Variants in CNOT6 observed in about 807,000 individuals in gnomAD.
The protein encoded by CNOT6 is CCR4-NOT transcription complex subunit 6.
A neutral mutation model predicts 61.2 loss-of-function variants in CNOT6; 12 were observed. The ratio of observed to expected loss-of-function variants is 0.20; its 90% CI spans 0.13 to 0.32. CNOT6 has a LOEUF of 0.32. Among genes scored for constraint, CNOT6 ranks in the 10% least tolerant of loss-of-function variants. The probability of loss-of-function intolerance (pLI) is 1.00; values close to 1 mark genes in which losing one functional copy is unlikely to be tolerated. For synonymous variants in CNOT6, 225 were observed against 240.6 expected (o/e 0.94, Z 0.60); for missense variants, 405 against 663.9 (o/e 0.61, Z 4.28).
chr5:180,519,163 T>C (rs749064183), intron 1 of CNOT6, among the ~76,000 whole-genome samples: 3 of 152,294 alleles, frequency 2.0e-5, no homozygotes, highest in Non-Finnish European at 4.4e-5. Context: ...GAGGAAACTT[T>C]TAAAGACAAA....
chr5:180,506,661 GCTATCCCAGAA>G (rs1253146234), intron 1 of CNOT6, among the ~76,000 whole-genome samples: 3 of 152,094 alleles, frequency 2.0e-5, no homozygotes, highest in Non-Finnish European at 4.4e-5. Flanking sequence ...CTTACCTCAG[GCTATCCCAGAA>G]CCAGTATTTT....
At chr5:180,516,065 C>T (rs1364247428) in intron 1 of CNOT6, among the ~76,000 whole-genome samples, 2 of 152,084 alleles carry the variant, frequency 1.3e-5, no homozygotes, top group African/African-American at 4.8e-5. Flanking sequence ...CACACACCAC[C>T]ACGCCTGGCT....
At chr5:180,549,429 C>G (rs574532945) in intron 2 of CNOT6, among the ~76,000 whole-genome samples, 1 of 152,034 alleles carries the variant, frequency 6.6e-6, no homozygotes. Flanking sequence ...GCGGGCAGAT[C>G]ACAAGGTCAG....
chr5:180,517,188 AGCGCAATG>A (rs1410478148), intron 1 of CNOT6, among the ~76,000 whole-genome samples: 1 of 152,188 alleles, frequency 6.6e-6, no homozygotes, highest in Non-Finnish European at 1.5e-5. Context: ...CTCAGGCTGG[AGCGCAATG>A]GCGTGATCAC....
intron 2 of CNOT6, among the ~76,000 whole-genome samples, chr5:180,541,474 C>T (rs1334703172): frequency 2.1e-4 from 7 of 33,120 alleles, no homozygotes; most frequent in African/African-American, 5.4e-4. Context: ...TTTTTTGAGA[C>T]AGAGTTTCGC....
chr5:180,509,828 GTT>G (rs10707986), intron 1 of CNOT6, among the ~76,000 whole-genome samples: 129 of 120,846 alleles, frequency 1.1e-3, no homozygotes, highest in Non-Finnish European at 1.7e-3. Flanking sequence ...ATACCTTGGT[GTT>G]TTTTTTTTTT....
chr5:180,522,691 C>T (rs1035676999), intron 1 of CNOT6, among the ~76,000 whole-genome samples: 1 of 151,582 alleles, frequency 6.6e-6, no homozygotes, highest in African/African-American at 2.4e-5. Flanking sequence ...CACTCTTGCC[C>T]ACGCTGGAGT....
Position 180,501,746 on chromosome 5 carries a change from TG to T in CNOT6, c.-3+6985del, listed in dbSNP as rs1296215628. On this transcript the variant is annotated intron_variant, in intron 1 of 11. Coordinates refer to ENST00000261951, the MANE Select transcript of CNOT6 (RefSeq NM_001370472.1). Reference sequence around the variant, plus strand: ...CTAAGGAACAGCTAATATTTTGTTTTGGACAGCATTGAAATGGTTGAAGAGA... The same window carrying T: ...CTAAGGAACAGCTAATATTTTGTTTTGACAGCATTGAAATGGTTGAAGAGA... Among the ~76,000 whole-genome samples, 10 of 152,320 alleles carry T rather than the reference TG, an allele frequency of 6.6e-5. No homozygotes were observed. In the East Asian group the frequency reaches 1.9e-3, roughly 29 times the overall value.
Position 180,529,320 on chromosome 5 carries a change from A to C in CNOT6, c.44A>C (p.Tyr15Ser). Residue 15 changes from tyrosine to serine, a missense_variant, in exon 2 of 12, where the codon TAT becomes TCT. By Grantham distance (144) the Tyr-to-Ser change is moderately radical. Around this residue, in one of 5 missense-constraint regions of CNOT6, gnomAD observed 212 missense variants for 307.1 expected, o/e 0.69. Transcript: ENST00000261951. Reference protein sequence around the residue: ...KYEPPDPRRMYTIMSSEEAAN... With the variant: ...KYEPPDPRRMSTIMSSEEAAN... The stretch of plus-strand genomic sequence containing the variant: ...GAGCCCCCTGACCCTCGGAGGATGT[A>C]TACAATTATGTCTTCTGAGGAAGCA... 6.2e-7 allele frequency: 1 copy of C among 1,613,768 alleles called. No individual in the cohort carries two copies. The highest frequency in any genetic ancestry group is 1.1e-5 in the South Asian group (1 of 90,994).
intron 3 of CNOT6, 41 bp from the exon 4 acceptor site, chr5:180,553,345 T>C: frequency 7.2e-7 from 1 of 1,385,018 alleles, no homozygotes; most frequent in Non-Finnish European, 1.0e-6. Context: ...TGTTAAAGGC[T>C]AACATATTTT....
chr5:180,535,583 C>T (rs1339240977), intron 2 of CNOT6, among the ~76,000 whole-genome samples: 3 of 152,098 alleles, frequency 2.0e-5, no homozygotes, highest in Non-Finnish European at 2.9e-5. Flanking sequence ...AGGTTGAGGC[C>T]GTATCTTTGC....
intron 6 of CNOT6, among the ~76,000 whole-genome samples, chr5:180,564,970 T>A (rs1454559518): frequency 1.3e-5 from 2 of 152,362 alleles, no homozygotes; most frequent in East Asian, 3.9e-4. Flanking sequence ...GGGCAGTTTA[T>A]CCCCCAGAGG....
In CNOT6 at chr5:180,538,680, A is replaced by T. The variant is rs1037228113; in HGVS notation, c.112+9292A>T. Among the ~76,000 whole-genome samples the T allele has an allele frequency of 6.8e-4, 64 of 94,710 alleles. 1 individual carries two copies. Among genetic ancestry groups the T allele is most frequent in the African/African-American group, 2.3e-3 (59 of 26,120 alleles). 62.1% of individuals were successfully genotyped at this position (94,710 alleles called of 152,430 possible). On this transcript the variant is annotated intron_variant, in intron 2 of 11. Transcript: ENST00000261951. ...GCGACAGAGCGAGACTCTGTCTGAGAAAAAGGTATATATATATATATATAT... is the reference window on the plus strand; with the variant it reads ...GCGACAGAGCGAGACTCTGTCTGAGTAAAAGGTATATATATATATATATAT...
intron 1 of CNOT6, among the ~76,000 whole-genome samples, chr5:180,510,897 C>T (rs368430393): frequency 3.9e-5 from 6 of 152,026 alleles, no homozygotes; most frequent in African/African-American, 9.7e-5. Flanking sequence ...CTCCATCTCC[C>T]GGGTTCAAGC....
chr5:180,522,701 T>G (rs1023299857), intron 1 of CNOT6, among the ~76,000 whole-genome samples: 8 of 152,096 alleles, frequency 5.3e-5, no homozygotes, highest in Non-Finnish European at 1.0e-4. Context: ...CACGCTGGAG[T>G]GCAGTGGTGT....
In CNOT6 at chr5:180,571,384, C is replaced by T. The variant is rs780028273; in HGVS notation, c.1413C>T (p.Ala471=). 5.6e-6 allele frequency: 9 copies of T among 1,614,108 alleles called. No homozygotes were observed. ...CTCATGGTTTCAAGTTACAGAGTGC[C>T]TATGAGAGTGGCCTGATGCCTTACA... ...RITHGFKLQS[A]YESGLMPYTN... Residue 471 remains alanine (A), a synonymous_variant, in exon 11 of 12, where the codon GCC becomes GCT. Coordinates refer to ENST00000261951, the MANE Select transcript of CNOT6 (RefSeq NM_001370472.1).
intron 1 of CNOT6, among the ~76,000 whole-genome samples, chr5:180,503,264 T>G (rs1756963170): frequency 6.8e-6 from 1 of 146,432 alleles, no homozygotes; most frequent in Non-Finnish European, 1.5e-5. Context: ...GTATTTTTCT[T>G]TTTTTTTTTT....
chr5:180,554,790 T>A (rs562870303), intron 4 of CNOT6, among the ~76,000 whole-genome samples: 1 of 152,300 alleles, frequency 6.6e-6, no homozygotes, highest in East Asian at 1.9e-4. Flanking sequence ...TACTTTATCA[T>A]TTTTGTGTAT....
In CNOT6 at chr5:180,532,482, C is replaced by G. The variant is rs570126818; in HGVS notation, c.112+3094C>G. On this transcript the variant is annotated intron_variant, in intron 2 of 11. Transcript: ENST00000261951. ...ACTTTGGGAAGAAGTTCTGTATACA[C>G]ATATAGGGAAAAACCCTCAACCCAT... Among the ~76,000 whole-genome samples the G allele has an allele frequency of 3.7e-4, 56 of 152,276 alleles. 1 individual carries two copies. The highest frequency in any genetic ancestry group is 1.3e-3 in the African/African-American group (53 of 41,564).
Sources: allele counts gnomAD v4.1 joint callset (sites outside exome capture counted in the v4.1 genomes callset), GRCh38; gene constraint gnomAD v4.1.1; regional missense constraint gnomAD v4.1.1; transcripts MANE v1.5; gene names NCBI Gene and HGNC (gene_info 2026-07-23, HGNC 2026-07-21).